Variants in LSAMP observed in about 807,000 individuals in gnomAD.
LSAMP encodes the protein limbic system-associated membrane protein.
A neutral mutation model predicts 38.6 loss-of-function variants in LSAMP; 7 were observed. The observed-to-expected ratio is 0.18, with a 90% confidence interval of 0.10 to 0.34. The LOEUF (loss-of-function observed/expected upper bound fraction) is 0.34. Among genes scored for constraint, LSAMP ranks in the 10% least tolerant of loss-of-function variants. LSAMP has a pLI of 1.00. For missense variants in LSAMP, 313 were observed against 420.0 expected (o/e 0.75, Z 2.23); for synonymous variants, 154 against 166.8 (o/e 0.92, Z 0.59).
At chr3:116,327,312 T>C (rs1461509265) in intron 1 of LSAMP, among the ~76,000 whole-genome samples, 1 of 152,184 alleles carries the variant, frequency 6.6e-6, no homozygotes, top group African/African-American at 2.4e-5. Context: ...AAGGTCAAGT[T>C]GTTCAGAGTT....
At chr3:116,353,246 G>A (rs1248400873) in intron 1 of LSAMP, among the ~76,000 whole-genome samples, 5 of 152,036 alleles carry the variant, frequency 3.3e-5, no homozygotes, top group Admixed American at 3.3e-4. Context: ...AAAGGGTTAG[G>A]TGACCTAACT....
At position 116,329,472 on chromosome 3, in the gene LSAMP, A is replaced by G. The variant is rs190077669; in HGVS notation, c.155+115405T>C. 4.6e-5 allele frequency among the ~76,000 whole-genome samples: 7 copies of G among 152,292 alleles called. No individual in the cohort carries two copies. In the East Asian group the frequency reaches 1.4e-3, roughly 29 times the overall value. On this transcript the variant is annotated intron_variant, in intron 1 of 6. Transcript: ENST00000490035. ...ATGACTGAAAATTGTTGGCAGAGAA[A>G]AATACATTTTAATAAACATGAACTT...
At chr3:116,078,334 A>AT (rs1310915611) in intron 2 of LSAMP, among the ~76,000 whole-genome samples, 12 of 147,324 alleles carry the variant, frequency 8.1e-5, no homozygotes, top group South Asian at 2.1e-4. Flanking sequence ...TTATTTATTT[A>AT]TTTTTTTTGA....
intron 3 of LSAMP, among the ~76,000 whole-genome samples, chr3:115,922,443 CTT>C (rs1937405079): frequency 6.6e-6 from 1 of 152,108 alleles, no homozygotes; most frequent in African/African-American, 2.4e-5. Flanking sequence ...ATTTCTATCT[CTT>C]TGTCAACATT....
chr3:116,277,617 G>A (rs187720879), intron 1 of LSAMP, among the ~76,000 whole-genome samples: 15 of 151,906 alleles, frequency 9.9e-5, no homozygotes, highest in African/African-American at 3.4e-4. Flanking sequence ...CTGATCTGCC[G>A]GCCTCAGCCT....
chr3:116,100,295 G>A (rs1190710418), intron 1 of LSAMP, among the ~76,000 whole-genome samples: 1 of 151,972 alleles, frequency 6.6e-6, no homozygotes, highest in East Asian at 1.9e-4. Context: ...GGCTAGGCTG[G>A]TCTCAAACTC....
intron 3 of LSAMP, among the ~76,000 whole-genome samples, chr3:115,961,418 C>T (rs952617298): frequency 1.3e-5 from 2 of 152,240 alleles, no homozygotes; most frequent in East Asian, 1.9e-4. Flanking sequence ...CTTTAGAATT[C>T]GTAGCAAGAA....
chr3:116,162,644 T>TTA (rs142669732), intron 1 of LSAMP, among the ~76,000 whole-genome samples: 245 of 148,434 alleles, frequency 1.7e-3, no homozygotes, highest in African/African-American at 3.8e-3. Flanking sequence ...TGTGTGTACA[T>TTA]TATATATATA....
intron 3 of LSAMP, among the ~76,000 whole-genome samples, chr3:115,979,278 T>A (rs1939287259): frequency 6.6e-6 from 1 of 151,954 alleles, no homozygotes; most frequent in Admixed American, 6.6e-5. Context: ...CCACCAGTAT[T>A]TGTTTTAGGA....
At chr3:116,097,796 T>C in intron 1 of LSAMP, among the ~76,000 whole-genome samples, 1 of 151,826 alleles carries the variant, frequency 6.6e-6, no homozygotes, top group Admixed American at 6.6e-5. Flanking sequence ...AGTGCAATGG[T>C]GTGATCTCAG....
At chr3:116,120,116 CAT>C (rs916358299) in intron 1 of LSAMP, among the ~76,000 whole-genome samples, 3 of 152,002 alleles carry the variant, frequency 2.0e-5, no homozygotes, top group South Asian at 2.1e-4. Context: ...GAGATAAAGA[CAT>C]ATAAACTTTT....
chr3:115,838,903 C>T (rs748291063), intron 6 of LSAMP, among the ~76,000 whole-genome samples: 16 of 152,162 alleles, frequency 1.1e-4, no homozygotes, highest in Non-Finnish European at 2.2e-4. Context: ...GATGAATAAT[C>T]GCCAACTCTT....
At chr3:115,837,137 G>T (rs920500103) in intron 6 of LSAMP, among the ~76,000 whole-genome samples, 2 of 152,140 alleles carry the variant, frequency 1.3e-5, no homozygotes, top group Non-Finnish European at 2.9e-5. Context: ...AAGAAAATGG[G>T]GAGGCCCTCA....
intron 1 of LSAMP, among the ~76,000 whole-genome samples, chr3:116,260,573 C>A (rs934620505): frequency 6.6e-6 from 1 of 152,244 alleles, no homozygotes; most frequent in East Asian, 1.9e-4. Context: ...TTTGAGACCA[C>A]GGCATAATCT....
intron 1 of LSAMP, among the ~76,000 whole-genome samples, chr3:116,119,099 C>T (rs1278059637): frequency 6.6e-6 from 1 of 152,042 alleles, no homozygotes; most frequent in Non-Finnish European, 1.5e-5. Context: ...CATTTTATTT[C>T]TATTACAGAG....
At chr3:115,971,776 A>T (rs1407088246) in intron 3 of LSAMP, among the ~76,000 whole-genome samples, 3 of 152,304 alleles carry the variant, frequency 2.0e-5, no homozygotes, top group Non-Finnish European at 4.4e-5. Context: ...AAGCTGCTTA[A>T]GGGAATGTTT....
intron 1 of LSAMP, among the ~76,000 whole-genome samples, chr3:116,134,108 C>T (rs532492661): frequency 6.6e-6 from 1 of 152,064 alleles, no homozygotes; most frequent in South Asian, 2.1e-4. Flanking sequence ...TGATTTAGTC[C>T]AAGCTGAAAA....
chr3:115,958,662 C>T (rs896017384), intron 3 of LSAMP, among the ~76,000 whole-genome samples: 1 of 152,152 alleles, frequency 6.6e-6, no homozygotes, highest in African/African-American at 2.4e-5. Context: ...CTGCCTCTGA[C>T]TCAGTGTATT....
chr3:116,207,290 A>G (rs909542236), intron 1 of LSAMP, among the ~76,000 whole-genome samples: 3 of 152,100 alleles, frequency 2.0e-5, no homozygotes, highest in African/African-American at 7.2e-5. Flanking sequence ...TTTTGTGCCT[A>G]TGTGTGTCTC....
Sources: allele counts gnomAD v4.1 joint callset (sites outside exome capture counted in the v4.1 genomes callset), GRCh38; gene constraint gnomAD v4.1.1; transcripts MANE v1.5; gene names NCBI Gene and HGNC (gene_info 2026-07-23, HGNC 2026-07-21).